SP2: variants seen among roughly 807,000 people sequenced by gnomAD.
SP2 encodes Sp2 transcription factor, also known as transcription factor Sp2.
Under a neutral mutation model 50.1 loss-of-function variants are expected in SP2, and 9 were observed. The observed-to-expected ratio is 0.18, with a 90% CI of 0.11 to 0.31. The LOEUF is 0.31. Ranked by LOEUF, SP2 falls within the 10% of genes least tolerant of loss-of-function variation. SP2 has a pLI of 1.00. For synonymous variants in SP2, 313 were observed against 326.6 expected (o/e 0.96, Z 0.45); for missense variants, 581 against 806.5 (o/e 0.72, Z 3.39).
intron 1 of SP2, chr17:47,897,717 C>A: frequency 3.9e-6 from 1 of 256,436 alleles, no homozygotes; most frequent in Non-Finnish European, 6.1e-6. Context: ...CAGACCACAG[C>A]AGTAATTTCA....
Position 47,916,252 on chromosome 17 carries a change from C to G in SP2, c.181C>G (p.Gln61Glu), listed in dbSNP as rs1213797631. 5.6e-6 allele frequency: 9 copies of G among 1,614,164 alleles called. No individual in the cohort carries two copies. The highest frequency in any genetic ancestry group is 6.8e-6 in the Non-Finnish European group (8 of 1,180,028). ...TGCTGTGACACCTCCTGCTCCCCCA[C>G]AGCCCACACCGCGGAAACTTGTCCC... is the stretch of plus-strand genomic sequence containing the variant. ...EAAVTPPAPPQPTPRKLVPIK... is the reference protein window; with the variant it reads ...EAAVTPPAPPEPTPRKLVPIK... The change falls in exon 3 of 7, where the codon CAG (glutamine) becomes GAG (glutamate). Residue 61 changes from glutamine (Q) to glutamate (E), a missense_variant. Around this residue, in one of 2 missense-constraint regions of SP2, gnomAD observed 397 missense variants for 491.0 expected, o/e 0.81. Coordinates refer to ENST00000376741, the MANE Select transcript of SP2 (RefSeq NM_003110.6). This position sits in a 1 kb window ranked among gnomAD's most constrained non-coding sequence, Gnocchi z 4.7.
rs1567702149 is a variant in SP2, at chr17:47,923,089, G to A, written c.1187G>A (p.Gly396Glu). 2 of 1,614,160 alleles carry A rather than the reference G, an allele frequency of 1.2e-6. No homozygotes were observed. The highest frequency in any genetic ancestry group is 1.7e-6 in the Non-Finnish European group (2 of 1,180,024). Residue 396 changes from glycine to glutamate, a missense_variant, in exon 4 of 7, where the codon GGG (glycine) becomes GAG (glutamate). Around this residue, in one of 2 missense-constraint regions of SP2, gnomAD observed 184 missense variants for 315.5 expected, o/e 0.58. Transcript: ENST00000376741. The part of the protein sequence containing the change: ...SPASRAPHLS[G>E]TSKKHSAAIL... ...GCATCCCGTGCTCCCCATCTGAGTG[G>A]GACCAGCAAAAAGCACTCAGCTGCA...
intron 3 of SP2, among the ~76,000 whole-genome samples, chr17:47,921,813 G>A (rs1267740635): frequency 1.3e-5 from 2 of 152,216 alleles, no homozygotes; most frequent in East Asian, 3.8e-4. Context: ...GCTAAGGCCT[G>A]GGTGCTAGGT....
chr17:47,929,148 G>A (rs1470141555), downstream of SP2, among the ~76,000 whole-genome samples: 3 of 152,244 alleles, frequency 2.0e-5, no homozygotes, highest in African/African-American at 7.2e-5. Flanking sequence ...ACACTGGCAC[G>A]AGCCCCCAGA....
In SP2 at chr17:47,928,040, G is replaced by A. The variant is rs1025362720; in HGVS notation, c.*216G>A. ...GCCCTTCCCCTCACCACGAGCTCCCGGCCTGCCCAGACTGTGGACACTGGC... is the reference window on the plus strand; with the variant it reads ...GCCCTTCCCCTCACCACGAGCTCCCAGCCTGCCCAGACTGTGGACACTGGC... On this transcript the variant is annotated 3_prime_UTR_variant, in exon 7 of 7. Coordinates refer to ENST00000376741, the MANE Select transcript of SP2 (RefSeq NM_003110.6). 4.4e-5 allele frequency: 24 copies of A among 540,266 alleles called. No homozygotes were observed. Among genetic ancestry groups the A allele is most frequent in the Non-Finnish European group, 6.3e-5 (19 of 299,600 alleles). The allele number at this position is 540,266 out of a possible 1,614,324, so 33.5% of individuals were successfully genotyped here. A position where few individuals can be genotyped will look rare whatever the true frequency, so the allele number is the denominator to read the frequency against.
intron 6 of SP2, among the ~76,000 whole-genome samples, chr17:47,927,211 A>T (rs1259863902): frequency 2.6e-5 from 4 of 152,134 alleles, no homozygotes; most frequent in Non-Finnish European, 5.9e-5. Flanking sequence ...ATGGGGGGTC[A>T]GAGAGAAATG....
chr17:47,900,047 A>G (rs902042571), intron 1 of SP2: 1 of 152,290 alleles, frequency 6.6e-6, no homozygotes, highest in Non-Finnish European at 1.5e-5. Flanking sequence ...ATTGCAGTGC[A>G]GAGGCTTAGC....
At chr17:47,918,961 G>C (rs565532946) in intron 3 of SP2, among the ~76,000 whole-genome samples, 3 of 151,752 alleles carry the variant, frequency 2.0e-5, no homozygotes, top group African/African-American at 7.3e-5. Flanking sequence ...TTTACTCTCC[G>C]GCCCTTTATA....
chr17:47,925,680 AC>A, intron 6 of SP2, 139 bp downstream of exon 6: 1 of 640,692 alleles, frequency 1.6e-6, no homozygotes, highest in Non-Finnish European at 2.7e-6. Flanking sequence ...CTATCTAGGG[AC>A]GACATAGGAA....
intron 5 of SP2, 50 bp from the exon 6 acceptor site, chr17:47,925,298 T>A (rs1449391008): frequency 1.2e-5 from 18 of 1,552,160 alleles, no homozygotes; most frequent in Non-Finnish European, 1.2e-5. Flanking sequence ...CTCTACCGCT[T>A]TTCTCTCCTC....
downstream of SP2, among the ~76,000 whole-genome samples, chr17:47,930,205 C>T (rs192340354): frequency 4.6e-5 from 7 of 152,290 alleles, no homozygotes; most frequent in East Asian, 1.9e-4. Context: ...ATTCCTCATG[C>T]GTGGACTGCA....
intron 6 of SP2, 102 bp downstream of exon 6, chr17:47,925,643 A>C: frequency 2.3e-6 from 2 of 879,640 alleles, no homozygotes. Context: ...CACTCCTGGA[A>C]CTGCCACACT....
intron 1 of SP2, among the ~76,000 whole-genome samples, chr17:47,902,348 T>G (rs1485116786): frequency 6.6e-6 from 1 of 152,126 alleles, no homozygotes; most frequent in Non-Finnish European, 1.5e-5. Context: ...TGGCTTTTAC[T>G]TTGAGTGGGA....
At chr17:47,917,365 C>T (rs888085427) in intron 3 of SP2, among the ~76,000 whole-genome samples, 3 of 152,034 alleles carry the variant, frequency 2.0e-5, no homozygotes, top group Non-Finnish European at 4.4e-5. Context: ...GGCACCTTTT[C>T]CTTATAGGTT....
Position 47,910,060 on chromosome 17 carries a change from G to A in SP2, c.8-5252G>A, listed in dbSNP as rs1598123752. Reference sequence around the variant, plus strand: ...AGACAGGATTTCACCATGTTGGCCAGGCTGGTATGAACTCCTGATACACCT... The same window carrying A: ...AGACAGGATTTCACCATGTTGGCCAAGCTGGTATGAACTCCTGATACACCT... On this transcript the variant is annotated intron_variant, in intron 1 of 6. Transcript: ENST00000376741. Among the ~76,000 whole-genome samples, 3 of 152,044 alleles carry A rather than the reference G, an allele frequency of 2.0e-5. No homozygotes were observed. In the East Asian group the frequency reaches 5.8e-4, roughly 29 times the overall value.
intron 1 of SP2, chr17:47,899,773 T>G (rs564844459): frequency 6.6e-6 from 1 of 152,328 alleles, no homozygotes; most frequent in South Asian, 2.1e-4. Flanking sequence ...ATACTGTGCT[T>G]CTCATCAGAC....
intron 1 of SP2, 77 bp from the exon 2 acceptor site, chr17:47,915,235 A>G: frequency 9.1e-7 from 1 of 1,102,132 alleles, no homozygotes; most frequent in Non-Finnish European, 1.3e-6. Context: ...AAATAGAAAA[A>G]AAGAAAATCT....
At chr17:47,922,870 C>A in intron 3 of SP2, 92 bp from the exon 4 acceptor site, 2 of 1,107,926 alleles carry the variant, frequency 1.8e-6, no homozygotes, top group Non-Finnish European at 2.6e-6. Context: ...AGTGGACAGG[C>A]GCCCCCAGTT....
intron 1 of SP2, among the ~76,000 whole-genome samples, chr17:47,901,949 C>T (rs986566226): frequency 1.7e-4 from 26 of 152,104 alleles, no homozygotes; most frequent in African/African-American, 6.0e-4. Context: ...CTTTAGGAAG[C>T]TTACATCTTA....
Sources: gnomAD v4.1 joint callset for allele counts (sites outside exome capture counted in the v4.1 genomes callset) on GRCh38, gnomAD v4.1.1 for gene constraint, gnomAD v4.1.1 regional missense constraint, Gnocchi (gnomAD v3.1) non-coding constraint, MANE v1.5 for transcripts, NCBI Gene and HGNC (gene_info 2026-07-23, HGNC 2026-07-21) for gene names.